The following KAZN variants were observed in gnomAD, a reference collection of about 807,000 sequenced individuals.
KAZN encodes kazrin.
Under a neutral mutation model 87.4 loss-of-function variants are expected in KAZN, and 40 were observed. That is an observed-to-expected ratio of 0.46 (90% CI 0.36 to 0.60). The LOEUF is 0.60. Among genes scored for constraint, KAZN ranks in the 20% least tolerant of loss-of-function variants. The pLI, the probability that KAZN is intolerant of heterozygous loss-of-function variation, is 0.00. For synonymous variants in KAZN, 466 were observed against 458.3 expected, an observed-to-expected ratio of 1.02 and a Z score of -0.22; for missense variants, 898 against 1,073.9, an observed-to-expected ratio of 0.84 and a Z score of 2.29.
chr1:14,154,848 T>G, intron 1 of KAZN, among the ~76,000 whole-genome samples: 1 of 152,246 alleles, frequency 6.6e-6, no homozygotes, highest in Non-Finnish European at 1.5e-5. Flanking sequence ...TATATTCCAC[T>G]TGGTCAGGAT....
At chr1:13,996,442 C>T (rs185787951) in intron 1 of KAZN, among the ~76,000 whole-genome samples, 64 of 152,322 alleles carry the variant, frequency 4.2e-4, no homozygotes, top group African/African-American at 1.5e-3. Flanking sequence ...ACACACTAAG[C>T]TCCCTGGGTG....
rs1169701463 is a variant in KAZN, at chr1:14,665,954, T to C, written c.226+66731T>C. On this transcript the variant is annotated intron_variant, in intron 1 of 14. Coordinates refer to ENST00000376030, the MANE Select transcript of KAZN (RefSeq NM_201628.3). ...GCTCAAAAAAAAAAAAAAAAAAAAA[T>C]AACATACAGAAAGGTCAGGAGATGG... is the stretch of plus-strand genomic sequence containing the variant. 3.1e-3 allele frequency among the ~76,000 whole-genome samples: 258 copies of C among 83,560 alleles called. 3 individuals carry two copies. Among genetic ancestry groups the C allele is most frequent in the African/African-American group, 0.014 (254 of 18,124 alleles). The allele number at this position is 83,560 out of a possible 152,430, so 54.8% of individuals were successfully genotyped here.
intron 1 of KAZN, among the ~76,000 whole-genome samples, chr1:14,784,302 G>A (rs1053815636): frequency 1.3e-5 from 2 of 152,154 alleles, no homozygotes; most frequent in African/African-American, 4.8e-5. Context: ...TACCTTCCTG[G>A]CAACGCCTAG....
intron 1 of KAZN, among the ~76,000 whole-genome samples, chr1:14,056,597 G>T (rs1642570651): frequency 6.6e-6 from 1 of 152,190 alleles, no homozygotes; most frequent in Non-Finnish European, 1.5e-5. Context: ...TGGTACTTTT[G>T]TTACAGCAGC....
At chr1:14,053,242 A>G (rs972817095) in intron 1 of KAZN, among the ~76,000 whole-genome samples, 1 of 152,238 alleles carries the variant, frequency 6.6e-6, no homozygotes, top group Non-Finnish European at 1.5e-5. Context: ...CATGAAATGT[A>G]GTTCTACTAC....
At chr1:15,048,568 C>T (rs1196818190) in intron 4 of KAZN, among the ~76,000 whole-genome samples, 1 of 152,138 alleles carries the variant, frequency 6.6e-6, no homozygotes, top group Non-Finnish European at 1.5e-5. Context: ...GGTCCTGGGT[C>T]GTTGATCCTT....
At chr1:13,942,336 C>T (rs947343407) in intron 1 of KAZN, among the ~76,000 whole-genome samples, 4 of 150,726 alleles carry the variant, frequency 2.7e-5, no homozygotes, top group South Asian at 2.1e-4. Flanking sequence ...GTCAGGAGAT[C>T]GAGACCATCC....
intron 1 of KAZN, among the ~76,000 whole-genome samples, chr1:14,165,334 C>G (rs1168647300): frequency 6.6e-6 from 1 of 152,086 alleles, no homozygotes. Flanking sequence ...GTCTACTCCA[C>G]TCCCTGCCTT....
chr1:14,985,573 G>T (rs904067457), intron 2 of KAZN, among the ~76,000 whole-genome samples: 7 of 151,526 alleles, frequency 4.6e-5, no homozygotes. Context: ...GAAAGAATGA[G>T]AAGGCGTTAC....
chr1:14,846,048 A>AG (rs1648715923), intron 1 of KAZN, among the ~76,000 whole-genome samples: 3 of 152,178 alleles, frequency 2.0e-5, no homozygotes, highest in Non-Finnish European at 2.9e-5. Flanking sequence ...GGAAGAGCCC[A>AG]GGGGAAGCAT....
intron 1 of KAZN, among the ~76,000 whole-genome samples, chr1:14,147,113 G>A (rs978506487): frequency 6.6e-6 from 1 of 151,856 alleles, no homozygotes; most frequent in East Asian, 1.9e-4. Flanking sequence ...TTACTTTATT[G>A]TAAAGGATAC....
intron 1 of KAZN, among the ~76,000 whole-genome samples, chr1:14,064,194 A>G (rs1272784478): frequency 1.3e-5 from 2 of 152,188 alleles, no homozygotes; most frequent in Non-Finnish European, 2.9e-5. Context: ...AGAGCAGCAG[A>G]GTGTCTTCAA....
chr1:14,483,588 G>A (rs750557039), intron 2 of KAZN, among the ~76,000 whole-genome samples: 1 of 152,182 alleles, frequency 6.6e-6, no homozygotes, highest in Non-Finnish European at 1.5e-5. Flanking sequence ...AGAGTCTTAA[G>A]AGGTTTTGCG....
chr1:14,828,853 C>A (rs910358574), intron 1 of KAZN, among the ~76,000 whole-genome samples: 1 of 152,154 alleles, frequency 6.6e-6, no homozygotes, highest in Admixed American at 6.5e-5. Flanking sequence ...GCTGCAGATG[C>A]TCCAAGCTCC....
At chr1:14,668,027 G>A (rs541705475) in intron 1 of KAZN, among the ~76,000 whole-genome samples, 1 of 152,178 alleles carries the variant, frequency 6.6e-6, no homozygotes, top group African/African-American at 2.4e-5. Flanking sequence ...TGCTCAGATA[G>A]GAAGATTACC....
intron 2 of KAZN, among the ~76,000 whole-genome samples, chr1:14,383,532 A>G (rs1419579371): frequency 1.3e-5 from 2 of 151,514 alleles, no homozygotes; most frequent in Non-Finnish European, 2.9e-5. Flanking sequence ...CTTTCTACAT[A>G]TGGCTAGCCA....
At chr1:14,410,769 G>A (rs966638921) in intron 2 of KAZN, among the ~76,000 whole-genome samples, 2 of 152,188 alleles carry the variant, frequency 1.3e-5, no homozygotes, top group Non-Finnish European at 2.9e-5. Context: ...TGCTGGCCTT[G>A]GAGATGAGAG....
intron 2 of KAZN, among the ~76,000 whole-genome samples, chr1:14,261,304 A>T (rs1406636912): frequency 6.6e-6 from 1 of 152,214 alleles, no homozygotes; most frequent in Admixed American, 6.5e-5. Flanking sequence ...AAATGAAATC[A>T]TGTATCTCAA....
chr1:14,803,484 C>T (rs1393883209), intron 1 of KAZN, among the ~76,000 whole-genome samples: 1 of 152,214 alleles, frequency 6.6e-6, no homozygotes, highest in African/African-American at 2.4e-5. Context: ...ACCCTGATGG[C>T]AGGAATGTCT....
Sources: allele counts gnomAD v4.1 joint callset (sites outside exome capture counted in the v4.1 genomes callset), GRCh38; gene constraint gnomAD v4.1.1; transcripts MANE v1.5; gene names NCBI Gene and HGNC (gene_info 2026-07-23, HGNC 2026-07-21).